PCDH15: variants seen among roughly 807,000 people sequenced by gnomAD.
PCDH15 encodes protocadherin-15.
In PCDH15, 129 loss-of-function variants were observed where a neutral mutation model predicts 178.5. That is an observed-to-expected ratio of 0.72 (90% CI 0.63 to 0.84). The LOEUF (loss-of-function observed/expected upper bound fraction) is 0.84, where lower values mean the gene tolerates loss of function less well. Ranked by LOEUF, PCDH15 falls within the 40% of genes least tolerant of loss-of-function variation. The probability of loss-of-function intolerance (pLI) is 0.00; values close to 1 mark genes in which losing one functional copy is unlikely to be tolerated. For synonymous variants in PCDH15, 800 were observed against 732.0 expected (o/e 1.09, Z -1.50); for missense variants, 2,230 against 2,099.9 (o/e 1.06, Z -1.21).
At chr10:54,598,813 A>G (rs2092368571) in intron 2 of PCDH15, among the ~76,000 whole-genome samples, 1 of 152,122 alleles carries the variant, frequency 6.6e-6, no homozygotes, top group South Asian at 2.1e-4. Context: ...AATGACTACC[A>G]TTGCTATACA....
intron 3 of PCDH15, among the ~76,000 whole-genome samples, chr10:54,808,895 A>G (rs966669613): frequency 6.6e-6 from 1 of 151,766 alleles, no homozygotes; most frequent in East Asian, 1.9e-4. Flanking sequence ...GCTCAAGTTC[A>G]TTTTTAGGCT....
At chr10:54,119,098 A>G (rs1204656749) in intron 15 of PCDH15, among the ~76,000 whole-genome samples, 2 of 152,216 alleles carry the variant, frequency 1.3e-5, no homozygotes, top group African/African-American at 2.4e-5. Flanking sequence ...ATCTGAATGT[A>G]GTGATACCAC....
chr10:54,769,196 A>T lies in PCDH15; in HGVS notation c.-29+31729T>A, dbSNP rs12220692. On this transcript the variant is annotated intron_variant, in intron 1 of 37. Coordinates refer to ENST00000644397, the MANE Select transcript of PCDH15 (RefSeq NM_001384140.1). ...AATAATCAAAGTTGCAAGACACTTC[A>T]TGTTGAGAACTACAAAGACACAGCC... Among the ~76,000 whole-genome samples, 958 of 152,246 alleles carry T rather than the reference A, an allele frequency of 6.3e-3. 21 individuals carry two copies. Among genetic ancestry groups the T allele is most frequent in the East Asian group, 0.056 (287 of 5,168 alleles).
chr10:54,309,732 G>A (rs1168008258), intron 8 of PCDH15, among the ~76,000 whole-genome samples: 1 of 151,870 alleles, frequency 6.6e-6, no homozygotes, highest in Non-Finnish European at 1.5e-5. Flanking sequence ...GGAGGCATAG[G>A]TTGCAGTGAG....
intron 23 of PCDH15, among the ~76,000 whole-genome samples, chr10:53,949,235 A>G (rs1161996731): frequency 6.6e-6 from 1 of 152,232 alleles, no homozygotes; most frequent in African/African-American, 2.4e-5. Flanking sequence ...TAAATGGGCG[A>G]AACCTATTAT....
At chr10:54,628,740 T>C (rs1811851301) in intron 2 of PCDH15, among the ~76,000 whole-genome samples, 1 of 152,132 alleles carries the variant, frequency 6.6e-6, no homozygotes. Context: ...ATGACATGGT[T>C]CTTGAGTCAG....
At chr10:54,050,747 C>T (rs2660157) in intron 18 of PCDH15, among the ~76,000 whole-genome samples, 2,428 of 152,114 alleles carry the variant, frequency 0.016, 60 homozygotes, top group African/African-American at 0.055. Flanking sequence ...TTTGCTGCAT[C>T]GCTGAGATTC....
rs562023486 is a variant in PCDH15, at chr10:54,165,920, G to A, written c.1591-12627C>T. Among the ~76,000 whole-genome samples the A allele has an allele frequency of 5.8e-3, 889 of 152,180 alleles. 8 individuals are homozygous for A. The highest frequency in any genetic ancestry group is 0.02 in the African/African-American group (842 of 41,478). ...GAAGGTGCTCTAGGAAAGGAGATGA[G>A]AGAGAAACCTATCTTTAAATGAAAT... is the stretch of plus-strand genomic sequence containing the variant. On this transcript the variant is annotated intron_variant, in intron 13 of 37. Coordinates refer to ENST00000644397, the MANE Select transcript of PCDH15 (RefSeq NM_001384140.1).
intron 13 of PCDH15, among the ~76,000 whole-genome samples, chr10:54,154,988 G>A (rs2044950924): frequency 6.6e-6 from 1 of 152,172 alleles, no homozygotes. Context: ...TAGAAAATTA[G>A]AGGATGGGGA....
At chr10:54,620,276 A>C (rs932209173) in intron 2 of PCDH15, among the ~76,000 whole-genome samples, 3 of 152,054 alleles carry the variant, frequency 2.0e-5, no homozygotes, top group Non-Finnish European at 2.9e-5. Context: ...TAATGGGAAA[A>C]TTAGGCAAAG....
chr10:53,959,271 CTA>C (rs200801544), intron 23 of PCDH15, among the ~76,000 whole-genome samples: 3 of 146,734 alleles, frequency 2.0e-5, no homozygotes, highest in Admixed American at 2.0e-4. Flanking sequence ...TATATACACA[CTA>C]TATATATACA....
chr10:54,927,029 T>A lies in PCDH15; in HGVS notation c.-79-29529A>T, dbSNP rs1837647535. 2.0e-5 allele frequency among the ~76,000 whole-genome samples: 3 copies of A among 152,158 alleles called. 1 individual carries two copies. The Middle Eastern group carries it at 0.01, about 518-fold the overall frequency. ...GATTTTAGTTCTTTTCGTCATGATGTTAGGTAGTTAAAATGAGATCTTTCC... is the reference window on the plus strand; with the variant it reads ...GATTTTAGTTCTTTTCGTCATGATGATAGGTAGTTAAAATGAGATCTTTCC... On this transcript the variant is annotated intron_variant, in intron 2 of 5. Coordinates refer to the PCDH15 transcript ENST00000458638.
At chr10:54,925,851 T>C (rs147511015) in intron 2 of PCDH15, among the ~76,000 whole-genome samples, 16 of 152,142 alleles carry the variant, frequency 1.1e-4, no homozygotes, top group African/African-American at 3.1e-4. Context: ...GAGCTGAGAC[T>C]ATGCTATGGG....
chr10:54,510,741 C>A (rs1339108877), intron 3 of PCDH15, among the ~76,000 whole-genome samples: 3 of 152,162 alleles, frequency 2.0e-5, no homozygotes, highest in Non-Finnish European at 4.4e-5. Context: ...CAATTGCAAA[C>A]ATAAGAATTG....
intron 3 of PCDH15, among the ~76,000 whole-genome samples, chr10:54,482,549 A>G (rs1167966371): frequency 6.6e-6 from 1 of 151,780 alleles, no homozygotes; most frequent in Non-Finnish European, 1.5e-5. Context: ...TTGTGTCAAT[A>G]ATAAGCAATG....
chr10:55,449,509 T>G (rs578024199), intron 2 of PCDH15, among the ~76,000 whole-genome samples: 1 of 152,060 alleles, frequency 6.6e-6, no homozygotes, highest in East Asian at 1.9e-4. Context: ...GGTCAAAATA[T>G]GGTGGTGAGG....
chr10:55,405,781 T>C (rs1838184210), intron 2 of PCDH15, among the ~76,000 whole-genome samples: 1 of 151,932 alleles, frequency 6.6e-6, no homozygotes, highest in Admixed American at 6.6e-5. Context: ...GAGAATTCCA[T>C]GCCATTATGG....
intron 17 of PCDH15, among the ~76,000 whole-genome samples, chr10:54,078,925 T>G (rs1779090856): frequency 6.6e-6 from 1 of 152,156 alleles, no homozygotes; most frequent in African/African-American, 2.4e-5. Flanking sequence ...CTTAAAGATA[T>G]TTATCCACAA....
At chr10:55,088,251 T>A (rs1040704915) in intron 2 of PCDH15, among the ~76,000 whole-genome samples, 1 of 151,960 alleles carries the variant, frequency 6.6e-6, no homozygotes, top group African/African-American at 2.4e-5. Flanking sequence ...GGTCATCAAT[T>A]AATAACACTA....
Sources: allele counts gnomAD v4.1 joint callset (sites outside exome capture counted in the v4.1 genomes callset), GRCh38; gene constraint gnomAD v4.1.1; transcripts MANE v1.5; gene names NCBI Gene and HGNC (gene_info 2026-07-23, HGNC 2026-07-21).